BRSK2: variants seen among roughly 807,000 people sequenced by gnomAD.
BRSK2 encodes the protein BR serine/threonine kinase 2, also known as serine/threonine-protein kinase BRSK2.
In BRSK2, 19 loss-of-function variants were observed where a neutral mutation model predicts 83.3. The observed-to-expected ratio is 0.23, with a 90% CI of 0.16 to 0.33. The LOEUF (loss-of-function observed/expected upper bound fraction) is 0.33, where lower values mean the gene tolerates loss of function less well. BRSK2 is among the 10% of genes least tolerant of loss of function. BRSK2 has a pLI of 1.00. For synonymous variants in BRSK2, 519 were observed against 435.4 expected, an observed-to-expected ratio of 1.19 and a Z score of -2.39; for missense variants, 798 against 1,042.3, an observed-to-expected ratio of 0.77 and a Z score of 3.23.
chr11:1,389,973 G>C lies in BRSK2; in HGVS notation c.-312G>C, dbSNP rs189112030. 6.8e-6 allele frequency: 1 copy of C among 148,140 alleles called. No homozygotes were observed. The allele number at this position is 148,140 out of a possible 1,614,324, so 9.2% of individuals were successfully genotyped here. ...GCGCGGCCGCTGACGGGCGTGCGCT[G>C]GGGGCGCGGGGCGCGGGGCGCGGGC... On this transcript the variant is annotated 5_prime_UTR_variant, in exon 1 of 20. Transcript: ENST00000528841. This position sits in a 1 kb window ranked among gnomAD's most constrained non-coding sequence, Gnocchi z 4.1.
At chr11:1,458,846 G>T (rs1281750840) in intron 18 of BRSK2, among the ~76,000 whole-genome samples, 1 of 152,178 alleles carries the variant, frequency 6.6e-6, no homozygotes, top group African/African-American at 2.4e-5. Flanking sequence ...TGCAGGCCAC[G>T]GCCAGGGCAG....
intron 1 of BRSK2, among the ~76,000 whole-genome samples, chr11:1,418,758 TGTCA>T (rs1475179767): frequency 6.6e-6 from 1 of 152,258 alleles, no homozygotes; most frequent in East Asian, 1.9e-4. Context: ...AAGTAGGAGC[TGTCA>T]TCCTGGAGGG....
intron 4 of BRSK2, among the ~76,000 whole-genome samples, chr11:1,441,955 T>TC (rs1217639818): frequency 3.1e-5 from 1 of 32,472 alleles, no homozygotes; most frequent in Non-Finnish European, 6.0e-5. Flanking sequence ...AAGTGCACCG[T>TC]CCCCCCCATT....
intron 13 of BRSK2, among the ~76,000 whole-genome samples, chr11:1,450,078 C>T (rs1290650972): frequency 2.0e-5 from 3 of 152,140 alleles, no homozygotes; most frequent in Admixed American, 6.5e-5. Flanking sequence ...GGCTAATCCT[C>T]CTGCCCATGC....
Position 1,438,525 on chromosome 11 carries a change from T to A in BRSK2, c.272+134T>A. ...TGCTGCATCCCAGCAGCCCTGGCCCTGCTAGCATGAACACCTGCCTGGGTA... is the reference window on the plus strand; with the variant it reads ...TGCTGCATCCCAGCAGCCCTGGCCCAGCTAGCATGAACACCTGCCTGGGTA... On this transcript the variant is annotated intron_variant, in intron 3 of 19. Coordinates refer to ENST00000528841, the MANE Select transcript of BRSK2 (RefSeq NM_001256627.2). This position sits in a 1 kb window ranked among gnomAD's most constrained non-coding sequence, Gnocchi z 6.4. 1 of 758,120 alleles carries A rather than the reference T, an allele frequency of 1.3e-6. No homozygotes were observed. Among genetic ancestry groups the A allele is most frequent in the African/African-American group, 1.8e-5 (1 of 57,012 alleles). 47.0% of individuals were successfully genotyped at this position (758,120 alleles called of 1,614,324 possible). A position where few individuals can be genotyped will look rare whatever the true frequency, so the allele number is the denominator to read the frequency against.
chr11:1,450,274 C>T (rs1325752311), intron 13 of BRSK2, among the ~76,000 whole-genome samples: 2 of 151,988 alleles, frequency 1.3e-5, no homozygotes, highest in African/African-American at 4.8e-5. Context: ...CCTTCGTGGC[C>T]CGCCCCCTGG....
rs1448402999 is a variant in BRSK2, at chr11:1,434,607, T to A, written c.92-1433T>A. ...CACCCAGGAGTGGGGTCCCCTGTGA[T>A]AACCTGGGCCGGCTCTGGGTGTCTG... On this transcript the variant is annotated intron_variant, in intron 1 of 19. Transcript: ENST00000528841. Among the ~76,000 whole-genome samples, 4 of 137,326 alleles carry A rather than the reference T, an allele frequency of 2.9e-5. No homozygotes were observed. The East Asian group carries it at 9.1e-4, about 31-fold the overall frequency. 90.1% of individuals were successfully genotyped at this position (137,326 alleles called of 152,430 possible).
chr11:1,447,849 C>G, intron 12 of BRSK2: 1 of 1,596,970 alleles, frequency 6.3e-7, no homozygotes, highest in Non-Finnish European at 8.5e-7. Context: ...ATCCCCAATT[C>G]AGCAAAGAAG....
At chr11:1,457,815 G>A (rs1164650074) in intron 18 of BRSK2, among the ~76,000 whole-genome samples, 2 of 146,038 alleles carry the variant, frequency 1.4e-5, no homozygotes, top group East Asian at 1.9e-4. Context: ...CCCAGAGTGT[G>A]CTTCACCTTG....
intron 1 of BRSK2, among the ~76,000 whole-genome samples, chr11:1,420,811 T>C (rs1351880246): frequency 6.6e-6 from 1 of 152,222 alleles, no homozygotes; most frequent in East Asian, 1.9e-4. Flanking sequence ...CTGGCAGTCC[T>C]GGGGGCTCAG....
chr11:1,395,931 T>C (rs1846053379), intron 1 of BRSK2, among the ~76,000 whole-genome samples: 2 of 152,214 alleles, frequency 1.3e-5, no homozygotes, highest in African/African-American at 4.8e-5. Flanking sequence ...ATGCAGGGCC[T>C]GGGCTGTGAT....
chr11:1,426,669 A>G (rs1439633867), intron 1 of BRSK2, among the ~76,000 whole-genome samples: 2 of 151,842 alleles, frequency 1.3e-5, no homozygotes, highest in Non-Finnish European at 2.9e-5. Flanking sequence ...TGTGACTCTC[A>G]CCTGTGAGGT....
At position 1,445,376 on chromosome 11, in the gene BRSK2, G is replaced by A. The variant is rs1373731808; in HGVS notation, c.895G>A (p.Asp299Asn). The A allele has an allele frequency of 6.2e-7, 1 of 1,611,910 alleles. No homozygotes were observed. Among genetic ancestry groups the A allele is most frequent in the East Asian group, 2.2e-5 (1 of 44,860 alleles). ...CTCGCTGCCCAGCCTGGAGGACATC[G>A]ACCCCGACGTGCTGGACAGCATGCA... ...IRSLPSLEDI[D>N]PDVLDSMHSL... Residue 299 changes from aspartate to asparagine, a missense_variant, in exon 10 of 20, where the codon GAC (aspartate) becomes AAC (asparagine). By Grantham distance (23) the Asp-to-Asn change is conservative. Around this residue, in one of 6 missense-constraint regions of BRSK2, gnomAD observed 145 missense variants for 225.4 expected, o/e 0.64. Transcript: ENST00000528841.
At chr11:1,427,547 C>T (rs180802407) in intron 1 of BRSK2, among the ~76,000 whole-genome samples, 27 of 152,258 alleles carry the variant, frequency 1.8e-4, no homozygotes, top group African/African-American at 5.5e-4. Context: ...CTGTGGGGGG[C>T]GCAGGGAGAC....
At chr11:1,433,260 C>T (rs1057218491) in intron 1 of BRSK2, among the ~76,000 whole-genome samples, 1 of 152,248 alleles carries the variant, frequency 6.6e-6, no homozygotes, top group Non-Finnish European at 1.5e-5. Flanking sequence ...GGCTTCGCCA[C>T]CTACCCTGGG....
intron 8 of BRSK2, among the ~76,000 whole-genome samples, chr11:1,444,728 T>A (rs1337985853): frequency 1.4e-5 from 2 of 145,330 alleles, no homozygotes; most frequent in Admixed American, 6.9e-5. Context: ...CCCCGACTTC[T>A]CTCCTCCTTG....
At chr11:1,441,260 C>T (rs1320844822) in intron 4 of BRSK2, among the ~76,000 whole-genome samples, 1 of 67,352 alleles carries the variant, frequency 1.5e-5, no homozygotes, top group Non-Finnish European at 2.9e-5. Context: ...CATTAGCGGC[C>T]CCTCAAGTGC....
At chr11:1,399,952 C>T (rs1486228819) in intron 1 of BRSK2, among the ~76,000 whole-genome samples, 3 of 152,106 alleles carry the variant, frequency 2.0e-5, no homozygotes, top group South Asian at 2.1e-4. Flanking sequence ...CGCCTGTAGC[C>T]GCCAGCAACA....
rs1564838919 is a variant in BRSK2 at position 1,436,136 on chromosome 11, T to G, written c.186+2T>G. The G allele has an allele frequency of 1.8e-6, 1 of 568,486 alleles. No individual in the cohort carries two copies. Among genetic ancestry groups the G allele is most frequent in the Non-Finnish European group, 2.2e-6 (1 of 446,942 alleles). 35.2% of individuals were successfully genotyped at this position (568,486 alleles called of 1,614,324 possible). On this transcript the variant is annotated splice_donor_variant, in intron 2 of 19. Transcript: ENST00000528841. LOFTEE classifies it high-confidence loss of function. Reference sequence around the variant, plus strand: ...CTCAGCGAGTCGGTGCTGATGAAGGTGGGTGGGGCCGGGGAGGGAGGCGGG... The same window carrying G: ...CTCAGCGAGTCGGTGCTGATGAAGGGGGGTGGGGCCGGGGAGGGAGGCGGG...
Sources: allele counts gnomAD v4.1 joint callset (sites outside exome capture counted in the v4.1 genomes callset), GRCh38; gene constraint gnomAD v4.1.1; regional missense constraint gnomAD v4.1.1; non-coding constraint Gnocchi (gnomAD v3.1); transcripts MANE v1.5; gene names NCBI Gene and HGNC (gene_info 2026-07-23, HGNC 2026-07-21).